Variants in ANKH observed in about 807,000 individuals in gnomAD.
The protein encoded by ANKH is ANKH inorganic pyrophosphate transport regulator, also known as mineralization regulator ANKH.
ANKH carries 15 observed loss-of-function variants against 49.0 expected under a neutral mutation model. The ratio of observed to expected loss-of-function variants is 0.31; its 90% CI spans 0.20 to 0.47. The LOEUF is 0.47. ANKH is among the 20% of genes least tolerant of loss of function. The probability of loss-of-function intolerance (pLI) is 1.00; values close to 1 mark genes in which losing one functional copy is unlikely to be tolerated. For missense variants in ANKH, 429 were observed against 652.0 expected (o/e 0.66, Z 3.72); for synonymous variants, 273 against 260.0 (o/e 1.05, Z -0.48).
intron 2 of ANKH, chr5:14,768,340 C>T (rs12493): frequency 0.24 from 36,766 of 153,206 alleles, 4,789 homozygotes; most frequent in East Asian, 0.5. Context: ...AAAGCCACGA[C>T]GGAAGTCATG....
chr5:14,743,304 G>C (rs1738422769), intron 7 of ANKH, among the ~76,000 whole-genome samples: 1 of 152,192 alleles, frequency 6.6e-6, no homozygotes, highest in African/African-American at 2.4e-5. Flanking sequence ...GCCTATGTTG[G>C]AAAGAATTAG....
chr5:14,840,326 T>C (rs186419352), intron 1 of ANKH, among the ~76,000 whole-genome samples: 3 of 152,348 alleles, frequency 2.0e-5, no homozygotes, highest in Non-Finnish European at 4.4e-5. Context: ...AAAGCTATAG[T>C]ATTCCAGCAG....
Position 14,728,386 on chromosome 5 carries a change from C to T in ANKH, c.1012-11551G>A, listed in dbSNP as rs558132821. Reference sequence around the variant, plus strand: ...CCCTAAGCTGCTAAACTGTTCAGGCCCAAGGGTACTGTGAGGGGCACCAAA... The same window carrying T: ...CCCTAAGCTGCTAAACTGTTCAGGCTCAAGGGTACTGTGAGGGGCACCAAA... On this transcript the variant is annotated intron_variant, in intron 8 of 11. Coordinates refer to ENST00000284268, the MANE Select transcript of ANKH (RefSeq NM_054027.6). Among the ~76,000 whole-genome samples the T allele has an allele frequency of 3.9e-4, 60 of 152,306 alleles. 1 individual carries two copies. In the South Asian group the frequency reaches 0.011, roughly 27 times the overall value.
intron 1 of ANKH, among the ~76,000 whole-genome samples, chr5:14,835,045 A>G (rs1423283488): frequency 1.3e-5 from 2 of 152,204 alleles, no homozygotes; most frequent in Non-Finnish European, 2.9e-5. Flanking sequence ...TACTTCAGTA[A>G]CATTACTTTA....
chr5:14,758,620 A>G (rs928620067), intron 2 of ANKH, 22 bp from the exon 3 acceptor site: 2 of 1,442,354 alleles, frequency 1.4e-6, no homozygotes, highest in Non-Finnish European at 2.0e-6. Flanking sequence ...CGAAAGGCAT[A>G]TGTGGAAATA....
At position 14,770,168 on chromosome 5, in the gene ANKH, T is replaced by A. The variant is rs573162885; in HGVS notation, c.97-977A>T. Among the ~76,000 whole-genome samples the A allele has an allele frequency of 2.6e-5, 4 of 152,294 alleles. No individual in the cohort carries two copies. In the East Asian group the frequency reaches 7.7e-4, roughly 29 times the overall value. Reference sequence around the variant, plus strand: ...AAAATAGACTGTTTTTAAGGCAGTTTTAGGTTCACAGTAAAATTGAGCAGA... The same window carrying A: ...AAAATAGACTGTTTTTAAGGCAGTTATAGGTTCACAGTAAAATTGAGCAGA... On this transcript the variant is annotated intron_variant, in intron 1 of 11. Transcript: ENST00000284268. This position sits in a 1 kb window ranked among gnomAD's most constrained non-coding sequence, Gnocchi z 4.1.
intron 8 of ANKH, among the ~76,000 whole-genome samples, chr5:14,736,006 C>CT (rs540010631): frequency 0.064 from 5,309 of 83,258 alleles, 422 homozygotes; most frequent in African/African-American, 0.12. Flanking sequence ...AAAAACCTAA[C>CT]TTTTTTTTTT....
chr5:14,866,893 C>T (rs765161867), intron 1 of ANKH, among the ~76,000 whole-genome samples: 2 of 151,972 alleles, frequency 1.3e-5, no homozygotes, highest in Non-Finnish European at 2.9e-5. Context: ...ATATACAGGC[C>T]AGATGTGGTG....
intron 8 of ANKH, among the ~76,000 whole-genome samples, chr5:14,718,662 T>C (rs1310963021): frequency 6.6e-6 from 1 of 151,694 alleles, no homozygotes; most frequent in Admixed American, 6.6e-5. Flanking sequence ...AATACAAAAT[T>C]AACCGGGCAT....
At chr5:14,856,168 G>A (rs1028632530) in intron 1 of ANKH, among the ~76,000 whole-genome samples, 5 of 151,786 alleles carry the variant, frequency 3.3e-5, no homozygotes, top group African/African-American at 4.8e-5. Flanking sequence ...AAAAATAGAG[G>A]AGGCGGAGGC....
chr5:14,862,872 A>G (rs1735538545), intron 1 of ANKH, among the ~76,000 whole-genome samples: 1 of 152,190 alleles, frequency 6.6e-6, no homozygotes, highest in Admixed American at 6.5e-5. Flanking sequence ...TAGAACAGAC[A>G]CAAAATGACA....
rs183894331 is a variant in ANKH at position 14,813,009 on chromosome 5, G to A, written c.97-43818C>T. Among the ~76,000 whole-genome samples the A allele has an allele frequency of 5.3e-5, 8 of 152,300 alleles. No individual in the cohort carries two copies. In the East Asian group the frequency reaches 1.5e-3, roughly 29 times the overall value. ...TGGTTGAAGCACTTTGGGAGGTTAAGGTGGGAGGATCACTTGAAGCCAGAC... is the reference window on the plus strand; with the variant it reads ...TGGTTGAAGCACTTTGGGAGGTTAAAGTGGGAGGATCACTTGAAGCCAGAC... On this transcript the variant is annotated intron_variant, in intron 1 of 11. Coordinates refer to ENST00000284268, the MANE Select transcript of ANKH (RefSeq NM_054027.6).
chr5:14,755,229 C>T (rs1294989818), intron 4 of ANKH, among the ~76,000 whole-genome samples: 2 of 152,172 alleles, frequency 1.3e-5, no homozygotes, highest in African/African-American at 4.8e-5. Flanking sequence ...TGTTCATGCG[C>T]TATCCTTGGT....
chr5:14,721,327 G>A (rs2126425888), intron 8 of ANKH, among the ~76,000 whole-genome samples: 1 of 152,264 alleles, frequency 6.6e-6, no homozygotes, highest in Non-Finnish European at 1.5e-5. Context: ...ATGGCCATGT[G>A]CCAACAGAGG....
At chr5:14,731,667 C>T (rs1233626306) in intron 8 of ANKH, among the ~76,000 whole-genome samples, 1 of 152,164 alleles carries the variant, frequency 6.6e-6, no homozygotes, top group Non-Finnish European at 1.5e-5. Flanking sequence ...CTTAGAGAAT[C>T]AGGGAGAGGC....
At position 14,797,222 on chromosome 5, in the gene ANKH, T is replaced by C. The variant is rs941803250; in HGVS notation, c.97-28031A>G. 12 of 1,336,122 alleles carry C rather than the reference T, an allele frequency of 9.0e-6. No homozygotes were observed. In the African/African-American group the frequency reaches 1.6e-4, roughly 18 times the overall value. 82.8% of individuals were successfully genotyped at this position (1,336,122 alleles called of 1,614,324 possible). On this transcript the variant is annotated intron_variant, in intron 1 of 11. Transcript: ENST00000284268. ...ACACTTGCATGATATTGTCTTCCGA[T>C]ACAGAACACATCACTCAAGGTTCAC... is the stretch of plus-strand genomic sequence containing the variant.
intron 8 of ANKH, 94 bp from the exon 9 acceptor site, chr5:14,716,929 A>G (rs1230958430): frequency 2.0e-6 from 3 of 1,519,050 alleles, no homozygotes; most frequent in East Asian, 2.4e-5. Flanking sequence ...GAGAGTTACG[A>G]AAGAGGGACA....
At chr5:14,741,030 A>C (rs1268321739) in intron 8 of ANKH, among the ~76,000 whole-genome samples, 3 of 152,228 alleles carry the variant, frequency 2.0e-5, no homozygotes, top group African/African-American at 7.2e-5. Flanking sequence ...CGTCTTTTTC[A>C]TCTCCATCTT....
intron 1 of ANKH, among the ~76,000 whole-genome samples, chr5:14,842,744 C>T (rs1741849071): frequency 6.6e-6 from 1 of 152,108 alleles, no homozygotes; most frequent in African/African-American, 2.4e-5. Flanking sequence ...CTATCAAGCC[C>T]AAGTATGAAC....
Sources: gnomAD v4.1 joint callset for allele counts (sites outside exome capture counted in the v4.1 genomes callset) on GRCh38, gnomAD v4.1.1 for gene constraint, Gnocchi (gnomAD v3.1) non-coding constraint, MANE v1.5 for transcripts, NCBI Gene and HGNC (gene_info 2026-07-23, HGNC 2026-07-21) for gene names.